The following ANKRD26 variants were observed in gnomAD, a reference collection of about 807,000 sequenced individuals.
ANKRD26 encodes ankyrin repeat domain-containing protein 26.
In ANKRD26, 141 loss-of-function variants were observed where a neutral mutation model predicts 208.7. That is an observed-to-expected ratio of 0.68 (90% CI 0.59 to 0.78). The LOEUF (loss-of-function observed/expected upper bound fraction) is 0.78, where lower values mean the gene tolerates loss of function less well. ANKRD26 is among the 30% of genes least tolerant of loss of function. ANKRD26 has a pLI of 0.00. For missense variants in ANKRD26, 1,889 were observed against 1,938.7 expected (o/e 0.97, Z 0.48); for synonymous variants, 636 against 660.4 (o/e 0.96, Z 0.57).
chr10:27,077,238 G>C, intron 9 of ANKRD26, 100 bp downstream of exon 9: 1 of 1,069,690 alleles, frequency 9.3e-7, no homozygotes, highest in East Asian at 2.4e-5. Flanking sequence ...AACATAATTA[G>C]AAACAAAAAC....
At chr10:27,039,597 A>G (rs1054267943) in intron 21 of ANKRD26, among the ~76,000 whole-genome samples, 3 of 152,176 alleles carry the variant, frequency 2.0e-5, no homozygotes, top group Non-Finnish European at 4.4e-5. Context: ...CTTTAAACGA[A>G]TAATTCTATA....
At chr10:27,045,930 T>C (rs905669583) in intron 18 of ANKRD26, among the ~76,000 whole-genome samples, 1 of 152,206 alleles carries the variant, frequency 6.6e-6, no homozygotes, top group Non-Finnish European at 1.5e-5. Flanking sequence ...CTTTAAAAGA[T>C]AATGGATCAA....
chr10:27,057,924 A>G (rs771200016), intron 15 of ANKRD26, among the ~76,000 whole-genome samples: 1 of 150,258 alleles, frequency 6.7e-6, no homozygotes. Flanking sequence ...TGACAGAGCG[A>G]GACTCCATCT....
At chr10:26,987,373 A>G (rs1162264610), downstream of ANKRD26, among the ~76,000 whole-genome samples, 1 of 152,222 alleles carries the variant, frequency 6.6e-6, no homozygotes, top group African/African-American at 2.4e-5. Flanking sequence ...TGGCACATGT[A>G]TACATATGTA....
the ANKRD26 span, among the ~76,000 whole-genome samples, chr10:26,954,130 T>C: frequency 2.0e-5 from 3 of 152,256 alleles, no homozygotes; most frequent in East Asian, 3.8e-4. Context: ...GGATGCTACC[T>C]TGTAATACAT....
In ANKRD26 at chr10:27,022,693, G is replaced by C; in HGVS notation, c.4086-6C>G. On this transcript the variant is annotated splice_polypyrimidine_tract_variant and splice_region_variant and intron_variant, in intron 28 of 33. Coordinates refer to ENST00000376087, the MANE Select transcript of ANKRD26 (RefSeq NM_014915.3). ...TTTTTAAGAGGTTCTTAAATCTGCA[G>C]GAAGGTACAAAATGAGTAACTCAAG... is the stretch of plus-strand genomic sequence containing the variant. 1 of 1,579,648 alleles carries C rather than the reference G, an allele frequency of 6.3e-7. No individual in the cohort carries two copies. Among genetic ancestry groups the C allele is most frequent in the Non-Finnish European group, 8.6e-7 (1 of 1,156,118 alleles).
At position 27,024,428 on chromosome 10, in the gene ANKRD26, T is replaced by C; in HGVS notation, c.4085+19A>G. The stretch of plus-strand genomic sequence containing the variant: ...CAATTAATGAATGGTTAAAATGATC[T>C]GAAATATTAAAATCTTACCCAGTTA... On this transcript the variant is annotated intron_variant, in intron 28 of 33. Coordinates refer to ENST00000376087, the MANE Select transcript of ANKRD26 (RefSeq NM_014915.3). 7 of 1,305,858 alleles carry C rather than the reference T, an allele frequency of 5.4e-6. No homozygotes were observed. The highest frequency in any genetic ancestry group is 7.7e-6 in the Non-Finnish European group (7 of 909,418). The allele number at this position is 1,305,858 out of a possible 1,614,324, so 80.9% of individuals were successfully genotyped here. A position where few individuals can be genotyped will look rare whatever the true frequency, so the allele number is the denominator to read the frequency against.
chr10:27,040,928 G>C (rs554415143), intron 20 of ANKRD26, among the ~76,000 whole-genome samples: 1 of 151,916 alleles, frequency 6.6e-6, no homozygotes, highest in Non-Finnish European at 1.5e-5. Flanking sequence ...TACTTGGGGG[G>C]GCCGAGGCAG....
chr10:27,033,847 T>C lies in ANKRD26; in HGVS notation c.3655-470A>G, dbSNP rs1181330677. ...GAATACAGGTAAATTCCAATGGCCTTAGAGGCCCTAGGTAACCTGGCCTCC... is the reference window on the plus strand; with the variant it reads ...GAATACAGGTAAATTCCAATGGCCTCAGAGGCCCTAGGTAACCTGGCCTCC... On this transcript the variant is annotated intron_variant, in intron 24 of 33. Transcript: ENST00000376087. 2.6e-5 allele frequency among the ~76,000 whole-genome samples: 4 copies of C among 152,194 alleles called. No individual in the cohort carries two copies. The East Asian group carries it at 7.7e-4, about 29-fold the overall frequency.
intron 9 of ANKRD26, among the ~76,000 whole-genome samples, chr10:27,071,951 C>T (rs1161668387): frequency 7.9e-5 from 12 of 152,212 alleles, no homozygotes; most frequent in Admixed American, 7.2e-4. Context: ...ACCTCACAGG[C>T]GTCCTGCCGG....
intron 1 of ANKRD26, among the ~76,000 whole-genome samples, chr10:27,094,676 A>G (rs2056408876): frequency 6.6e-6 from 1 of 152,274 alleles, no homozygotes; most frequent in Admixed American, 6.5e-5. Flanking sequence ...ATGAAATGAT[A>G]CAATTATACC....
downstream of ANKRD26, among the ~76,000 whole-genome samples, chr10:26,987,341 T>C (rs1348912483): frequency 1.3e-5 from 2 of 152,134 alleles, no homozygotes; most frequent in South Asian, 2.1e-4. Flanking sequence ...AATGACCAGT[T>C]AATGGGTGCA....
At chr10:27,017,843 T>C in intron 29 of ANKRD26, 51 bp from the exon 30 acceptor site, 2 of 1,526,254 alleles carry the variant, frequency 1.3e-6, no homozygotes, top group South Asian at 2.4e-5. Context: ...AGCCTGAGAA[T>C]AGCCTAACAT....
the ANKRD26 span, among the ~76,000 whole-genome samples, chr10:26,954,069 G>A: frequency 1.3e-5 from 2 of 152,158 alleles, no homozygotes; most frequent in Admixed American, 6.5e-5. Flanking sequence ...GTTTTCTGGC[G>A]TGAATGTTAA....
intron 30 of ANKRD26, among the ~76,000 whole-genome samples, chr10:27,015,906 G>C (rs1361564658): frequency 6.6e-6 from 1 of 152,040 alleles, no homozygotes; most frequent in South Asian, 2.1e-4. Context: ...TTATTAAGTA[G>C]ATTTTTATCA....
chr10:26,990,563 G>A (rs2052468355), downstream of ANKRD26, among the ~76,000 whole-genome samples: 2 of 152,102 alleles, frequency 1.3e-5, no homozygotes, highest in African/African-American at 4.8e-5. Context: ...CCTACAAGCT[G>A]AGAATAGACC....
chr10:27,033,064 T>G (rs546044867), intron 25 of ANKRD26, among the ~76,000 whole-genome samples, 161 bp downstream of exon 25: 1 of 140,924 alleles, frequency 7.1e-6, no homozygotes, highest in African/African-American at 2.6e-5. Flanking sequence ...GCCTGGGCAA[T>G]AGAACGAGAC....
At chr10:27,082,049 TAAAA>T (rs994610726) in intron 6 of ANKRD26, among the ~76,000 whole-genome samples, 172 of 67,638 alleles carry the variant, frequency 2.5e-3, no homozygotes, top group African/African-American at 7.3e-3. Context: ...TGCAGTTATT[TAAAA>T]AAAAAAAAAA....
At chr10:27,051,126 T>G (rs1196265384) in intron 16 of ANKRD26, 1 of 1,290,004 alleles carries the variant, frequency 7.8e-7, no homozygotes, top group South Asian at 1.2e-5. Flanking sequence ...GCCTATCTCA[T>G]TTTTAAACCT....
Sources: allele counts gnomAD v4.1 joint callset (sites outside exome capture counted in the v4.1 genomes callset), GRCh38; gene constraint gnomAD v4.1.1; transcripts MANE v1.5; gene names NCBI Gene and HGNC (gene_info 2026-07-23, HGNC 2026-07-21).